The following B4GALNT3 variants were observed in gnomAD, a reference collection of about 807,000 sequenced individuals.
B4GALNT3 encodes the protein beta-1,4-N-acetylgalactosaminyltransferase 3.
Under a neutral mutation model 120.2 loss-of-function variants are expected in B4GALNT3, and 86 were observed. That is an observed-to-expected ratio of 0.72 (90% CI 0.60 to 0.86). B4GALNT3 has a LOEUF of 0.86. B4GALNT3 is among the 40% of genes least tolerant of loss of function. B4GALNT3 has a pLI of 0.00. For synonymous variants in B4GALNT3, 518 were observed against 510.4 expected (o/e 1.01, Z -0.20); for missense variants, 1,167 against 1,298.9 (o/e 0.90, Z 1.56).
chr12:555,189 A>AAAAG (rs529869492), intron 14 of B4GALNT3: 56 of 335,616 alleles, frequency 1.7e-4, no homozygotes, highest in South Asian at 9.2e-4. Flanking sequence ...AAAAAAAAGA[A>AAAAG]AAAGAAAGAA....
chr12:548,187 G>T lies in B4GALNT3; in HGVS notation c.787-44G>T, dbSNP rs779740750. 41 of 1,609,828 alleles carry T rather than the reference G, an allele frequency of 2.5e-5. No individual in the cohort carries two copies. The highest frequency in any genetic ancestry group is 3.3e-5 in the Non-Finnish European group (39 of 1,176,238). ...TCCCTTGACCCCTGTTGGAAATCCA[G>T]CTACCTCCCACCTTCTGCATCTACC... On this transcript the variant is annotated intron_variant, in intron 8 of 19. Coordinates refer to ENST00000266383, the MANE Select transcript of B4GALNT3 (RefSeq NM_173593.4). This position sits in a 1 kb window ranked among gnomAD's most constrained non-coding sequence, Gnocchi z 4.9.
At chr12:503,271 A>C (rs1946461205) in intron 1 of B4GALNT3, among the ~76,000 whole-genome samples, 1 of 151,932 alleles carries the variant, frequency 6.6e-6, no homozygotes, top group Non-Finnish European at 1.5e-5. Context: ...CTGTTCTCTC[A>C]CCGACACACC....
chr12:487,657 G>T (rs1467662263), intron 1 of B4GALNT3, among the ~76,000 whole-genome samples: 1 of 151,316 alleles, frequency 6.6e-6, no homozygotes, highest in African/African-American at 2.4e-5. Flanking sequence ...AGGTTGCAGT[G>T]AGCCGAGATC....
intron 1 of B4GALNT3, among the ~76,000 whole-genome samples, chr12:533,720 C>T (rs1946830287): frequency 6.6e-6 from 1 of 152,124 alleles, no homozygotes; most frequent in Admixed American, 6.6e-5. Context: ...TCAGGAGGTT[C>T]TTAGAAGGTT....
intron 1 of B4GALNT3, among the ~76,000 whole-genome samples, chr12:477,509 A>T (rs1475466565): frequency 6.6e-6 from 1 of 152,218 alleles, no homozygotes; most frequent in African/African-American, 2.4e-5. Flanking sequence ...TTGCACGAGA[A>T]AGGCCAAGGC....
chr12:511,185 C>A (rs1026530241), intron 1 of B4GALNT3, among the ~76,000 whole-genome samples: 5 of 151,058 alleles, frequency 3.3e-5, no homozygotes, highest in Non-Finnish European at 5.9e-5. Flanking sequence ...TGTGCCACCA[C>A]GCTCGGCTAA....
intron 3 of B4GALNT3, chr12:543,061 T>C: frequency 8.0e-7 from 1 of 1,254,628 alleles, no homozygotes. Flanking sequence ...AGCTATTCTG[T>C]CACAACCATT....
At chr12:515,584 G>T (rs1454859041) in intron 1 of B4GALNT3, among the ~76,000 whole-genome samples, 1 of 152,122 alleles carries the variant, frequency 6.6e-6, no homozygotes. Context: ...AAATGTGTTA[G>T]CTCTTATTGT....
chr12:462,044 G>A (rs2120399750), intron 1 of B4GALNT3, among the ~76,000 whole-genome samples: 1 of 152,240 alleles, frequency 6.6e-6, no homozygotes, highest in Admixed American at 6.5e-5. Context: ...ACGACTCCAA[G>A]CAGCAGAGCC....
intron 1 of B4GALNT3, among the ~76,000 whole-genome samples, chr12:529,434 A>G (rs1407865117): frequency 6.6e-6 from 1 of 152,186 alleles, no homozygotes; most frequent in Admixed American, 6.5e-5. Context: ...TAGGCGGGCA[A>G]CGTTCGTTTC....
chr12:515,021 A>G (rs1174655789), intron 1 of B4GALNT3, among the ~76,000 whole-genome samples: 2 of 152,146 alleles, frequency 1.3e-5, no homozygotes, highest in African/African-American at 4.8e-5. Flanking sequence ...CTGTCTCAAA[A>G]AGAAAAGAAA....
Position 460,088 on chromosome 12 carries a change from T to A in B4GALNT3, c.-289T>A, listed in dbSNP as rs1946004863. Among the ~76,000 whole-genome samples, 4 of 150,660 alleles carry A rather than the reference T, an allele frequency of 2.7e-5. No individual in the cohort carries two copies. The highest frequency in any genetic ancestry group is 2.6e-4 in the Admixed American group (4 of 15,172). On this transcript the variant is annotated 5_prime_UTR_variant, in exon 1 of 20. Coordinates refer to ENST00000266383, the MANE Select transcript of B4GALNT3 (RefSeq NM_173593.4). The surrounding 1 kb of genome is among the most constrained non-coding windows in gnomAD (Gnocchi z 8.0). ...CAGGGAGGGAGGGCGGCAGCGAGCCTGCGACGGGAGAGGCGTGGGGAGGAG... is the reference window on the plus strand; with the variant it reads ...CAGGGAGGGAGGGCGGCAGCGAGCCAGCGACGGGAGAGGCGTGGGGAGGAG...
At chr12:545,288 C>A in intron 5 of B4GALNT3, 81 bp from the exon 6 acceptor site, 1 of 1,523,858 alleles carries the variant, frequency 6.6e-7, no homozygotes. Context: ...GGAATTTAAT[C>A]GCTAAGACAC....
intron 3 of B4GALNT3, 22 bp downstream of exon 3, chr12:536,317 C>T (rs756495053): frequency 6.3e-7 from 1 of 1,584,142 alleles, no homozygotes; most frequent in Admixed American, 1.7e-5. Flanking sequence ...TCTATTGTAC[C>T]TGCCCTTTGA....
Position 556,792 on chromosome 12 carries a change from C to T in B4GALNT3, c.2306C>T (p.Ala769Val). ...NRRRQVLNTR[A>V]QEPKLCWPQG... is the part of the protein sequence containing the mutation. ...AGGAGACAGGTCCTGAATACCCGGG[C>T]CCAAGAGCCCAAGCTGTGCTGGCCT... Residue 769 changes from alanine to valine, a missense_variant, in exon 15 of 20, where the codon GCC becomes GTC. By Grantham distance (64) the Ala-to-Val change is moderately conservative. Transcript: ENST00000266383. 6.2e-7 allele frequency: 1 copy of T among 1,613,826 alleles called. No individual in the cohort carries two copies. The highest frequency in any genetic ancestry group is 8.5e-7 in the Non-Finnish European group (1 of 1,180,034).
chr12:513,154 C>T (rs866863289), intron 1 of B4GALNT3, among the ~76,000 whole-genome samples: 5 of 124,280 alleles, frequency 4.0e-5, no homozygotes, highest in Admixed American at 2.3e-4. Flanking sequence ...TTCGACCTTC[C>T]ACCTTCCACC....
rs200770810 is a variant in B4GALNT3, at chr12:558,026, G to A, written c.2545G>A (p.Val849Met). The change falls in exon 17 of 20, where the codon GTG (valine) becomes ATG (methionine). Residue 849 changes from valine (V) to methionine (M), a missense_variant. This residue lies in a region of B4GALNT3 where 983 missense variants were observed against 1,102.5 expected (regional missense o/e 0.89). Coordinates refer to ENST00000266383, the MANE Select transcript of B4GALNT3 (RefSeq NM_173593.4). ...CTCCCCTTCCTGCAGCTACCAGTAC[G>A]TGAAGCTAAGTGGAAACTTTGAACG... ...KRSKLRSYQY[V>M]KLSGNFERSA... 166 of 1,613,984 alleles carry A rather than the reference G, an allele frequency of 1.0e-4. 3 individuals carry two copies. In the East Asian group the frequency reaches 1.3e-3, roughly 13 times the overall value.
chr12:512,207 A>T (rs1370684011), intron 1 of B4GALNT3, among the ~76,000 whole-genome samples: 1 of 47,802 alleles, frequency 2.1e-5, no homozygotes, highest in Non-Finnish European at 3.7e-5. Flanking sequence ...TCCACCTTCC[A>T]CCTTCCACCT....
At chr12:462,577 T>C (rs1249616408) in intron 1 of B4GALNT3, among the ~76,000 whole-genome samples, 1 of 152,036 alleles carries the variant, frequency 6.6e-6, no homozygotes, top group Admixed American at 6.6e-5. Flanking sequence ...TCCAGAAAAC[T>C]CTTCCCAGCC....
Sources: allele counts gnomAD v4.1 joint callset (sites outside exome capture counted in the v4.1 genomes callset), GRCh38; gene constraint gnomAD v4.1.1; regional missense constraint gnomAD v4.1.1; non-coding constraint Gnocchi (gnomAD v3.1); transcripts MANE v1.5; gene names NCBI Gene and HGNC (gene_info 2026-07-23, HGNC 2026-07-21).